Variants in AGBL1 observed in about 807,000 individuals in gnomAD.
AGBL1 encodes AGBL carboxypeptidase 1, also known as cytosolic carboxypeptidase 4.
In AGBL1, 130 loss-of-function variants were observed where a neutral mutation model predicts 118.9. The observed-to-expected ratio is 1.09, with a 90% CI of 0.95 to 1.26. The LOEUF is 1.26. Ranked by LOEUF, AGBL1 falls within the 50% of genes most tolerant of loss-of-function variation. AGBL1 has a pLI of 0.00. For synonymous variants in AGBL1, 555 were observed against 478.9 expected, an observed-to-expected ratio of 1.16 and a Z score of -2.08; for missense variants, 1,584 against 1,298.1, an observed-to-expected ratio of 1.22 and a Z score of -3.38.
In AGBL1 at chr15:86,827,367, G is replaced by A. The variant is rs371633151; in HGVS notation, c.3159-79720G>A. ...TATATATATATATATATATATGTGT[G>A]TGTATATATATATATACACATATAT... On this transcript the variant is annotated intron_variant, in intron 22 of 22. Transcript: ENST00000614907. Among the ~76,000 whole-genome samples, 3 of 4,116 alleles carry A rather than the reference G, an allele frequency of 7.3e-4. 1 individual carries two copies. Among genetic ancestry groups the A allele is most frequent in the African/African-American group, 1.7e-3 (1 of 602 alleles). The allele number at this position is 4,116 out of a possible 152,430, so 2.7% of individuals were successfully genotyped here.
intron 22 of AGBL1, among the ~76,000 whole-genome samples, chr15:86,720,658 C>T (rs1296465966): frequency 1.3e-5 from 2 of 151,898 alleles, no homozygotes; most frequent in Admixed American, 6.6e-5. Context: ...AGAAAGAATG[C>T]GAAGTTGCTG....
intron 1 of AGBL1, among the ~76,000 whole-genome samples, chr15:86,139,125 G>C (rs1395871308): frequency 6.6e-6 from 1 of 152,140 alleles, no homozygotes; most frequent in Non-Finnish European, 1.5e-5. Context: ...TTAACATTTA[G>C]TGCAGCTGTG....
chr15:86,513,378 G>A (rs2083076075), intron 18 of AGBL1, among the ~76,000 whole-genome samples: 1 of 151,900 alleles, frequency 6.6e-6, no homozygotes, highest in South Asian at 2.1e-4. Context: ...TGTCACACAG[G>A]TGATGTTGTA....
In AGBL1 at chr15:86,732,021, G is replaced by A. The variant is rs577962026; in HGVS notation, c.3158+57585G>A. ...GTTATCACATGAAGATTGAGAGGAAGGTTTACTTAACAGTCTTATGAGGCA... is the reference window on the plus strand; with the variant it reads ...GTTATCACATGAAGATTGAGAGGAAAGTTTACTTAACAGTCTTATGAGGCA... On this transcript the variant is annotated intron_variant, in intron 22 of 22. Transcript: ENST00000614907. Among the ~76,000 whole-genome samples, 305 of 152,256 alleles carry A rather than the reference G, an allele frequency of 2.0e-3. 1 individual carries two copies. Among genetic ancestry groups the A allele is most frequent in the Non-Finnish European group, 3.4e-3 (233 of 68,026 alleles).
intron 22 of AGBL1, among the ~76,000 whole-genome samples, chr15:86,776,191 A>G (rs1180420137): frequency 6.6e-6 from 1 of 152,160 alleles, no homozygotes; most frequent in Non-Finnish European, 1.5e-5. Context: ...CTCATTGCAT[A>G]GATGATCACA....
At chr15:86,600,942 C>G (rs1048756839) in intron 21 of AGBL1, among the ~76,000 whole-genome samples, 2 of 152,112 alleles carry the variant, frequency 1.3e-5, no homozygotes, top group Non-Finnish European at 2.9e-5. Context: ...TAACAGTATT[C>G]CCTGTAAGCT....
At chr15:86,157,538 G>A (rs2077208876) in intron 4 of AGBL1, among the ~76,000 whole-genome samples, 1 of 152,160 alleles carries the variant, frequency 6.6e-6, no homozygotes, top group African/African-American at 2.4e-5. Context: ...ATGAGGAGGT[G>A]GCTATCTGAT....
At position 87,007,618 on chromosome 15, in the gene AGBL1, T is replaced by C. The variant is rs368377534; in HGVS notation, c.3323+19530T>C. The stretch of plus-strand genomic sequence containing the variant: ...GTTGAGAGATAACTATATAAGAAGT[T>C]GGGAGGGAAAATATAAAGGATAAAG... On this transcript the variant is annotated intron_variant, in intron 24 of 24. Transcript: ENST00000441037. Among the ~76,000 whole-genome samples the C allele has an allele frequency of 8.4e-4, 128 of 152,218 alleles. 2 individuals are homozygous for C. In the Middle Eastern group the frequency reaches 0.017, roughly 20 times the overall value.
chr15:86,744,751 C>G (rs2077729748), intron 22 of AGBL1, among the ~76,000 whole-genome samples: 2 of 152,134 alleles, frequency 1.3e-5, no homozygotes, highest in South Asian at 4.1e-4. Flanking sequence ...CACAGGATGT[C>G]TCACTCGCTG....
intron 22 of AGBL1, among the ~76,000 whole-genome samples, chr15:86,841,012 CTTTT>C (rs1218706021): frequency 6.6e-6 from 1 of 152,148 alleles, no homozygotes; most frequent in Non-Finnish European, 1.5e-5. Context: ...TACAAGATTA[CTTTT>C]TTTCAGTAAT....
intron 22 of AGBL1, among the ~76,000 whole-genome samples, chr15:86,751,105 A>G (rs2077845129): frequency 6.6e-6 from 1 of 152,098 alleles, no homozygotes; most frequent in Non-Finnish European, 1.5e-5. Context: ...GAACATAAAT[A>G]TGCATGTATC....
rs1567294120 is a variant in AGBL1 at position 87,027,638 on chromosome 15, C to T, written c.3324-1187C>T. On this transcript the variant is annotated intron_variant, in intron 24 of 24. Transcript: ENST00000441037. ...CGAAGACATGGAATCAACCTAAATG[C>T]CCATCAATGATAGACTGGAGAAAGA... is the stretch of plus-strand genomic sequence containing the variant. 2.0e-5 allele frequency among the ~76,000 whole-genome samples: 3 copies of T among 151,978 alleles called. No homozygotes were observed. The Middle Eastern group carries it at 0.01, about 517-fold the overall frequency.
chr15:86,871,575 C>T (rs1356816466), intron 22 of AGBL1, among the ~76,000 whole-genome samples: 1 of 152,196 alleles, frequency 6.6e-6, no homozygotes, highest in African/African-American at 2.4e-5. Context: ...CTTCCTCACT[C>T]TGTTCACTAA....
intron 5 of AGBL1, among the ~76,000 whole-genome samples, chr15:86,221,788 C>A (rs980763183): frequency 3.9e-5 from 6 of 152,014 alleles, no homozygotes; most frequent in African/African-American, 1.2e-4. Context: ...ATATCACATT[C>A]CCAGTAGGTA....
chr15:86,806,910 C>A (rs951839875), intron 22 of AGBL1, among the ~76,000 whole-genome samples: 1 of 151,876 alleles, frequency 6.6e-6, no homozygotes, highest in Non-Finnish European at 1.5e-5. Flanking sequence ...ACGTATCATA[C>A]GGTACATATA....
downstream of AGBL1, among the ~76,000 whole-genome samples, chr15:86,920,537 G>T (rs1308237041): frequency 3.3e-5 from 5 of 152,148 alleles, no homozygotes; most frequent in African/African-American, 1.2e-4. Context: ...ACACAGGGCA[G>T]ATTTCATTGG....
rs915253884 is a variant in AGBL1 at position 86,689,451 on chromosome 15, C to T, written c.3158+15015C>T. On this transcript the variant is annotated intron_variant, in intron 22 of 22. Transcript: ENST00000614907. ...GAATCCCTAGCACCTAGAATAATGC[C>T]TGATGCATAGGAAGTAATCAATAAA... is the stretch of plus-strand genomic sequence containing the variant. 3.9e-5 allele frequency among the ~76,000 whole-genome samples: 6 copies of T among 152,122 alleles called. No individual in the cohort carries two copies. The South Asian group carries it at 1.2e-3, about 32-fold the overall frequency.
chr15:86,773,779 C>A (rs570917720), intron 22 of AGBL1, among the ~76,000 whole-genome samples: 1 of 152,010 alleles, frequency 6.6e-6, no homozygotes, highest in South Asian at 2.1e-4. Flanking sequence ...TCTGTATCCA[C>A]TGAAAAAGAA....
intron 22 of AGBL1, among the ~76,000 whole-genome samples, chr15:86,827,998 T>A (rs1596526700): frequency 7.0e-6 from 1 of 142,600 alleles, no homozygotes; most frequent in East Asian, 2.2e-4. Context: ...TGGAGTGCAG[T>A]TGTGTGATCA....
Sources: gnomAD v4.1 joint callset for allele counts (sites outside exome capture counted in the v4.1 genomes callset) on GRCh38, gnomAD v4.1.1 for gene constraint, MANE v1.5 for transcripts, NCBI Gene and HGNC (gene_info 2026-07-23, HGNC 2026-07-21) for gene names.